CAST: variants seen among roughly 807,000 people sequenced by gnomAD.
CAST encodes MIR583 host.
Under a neutral mutation model 119.6 loss-of-function variants are expected in CAST, and 76 were observed. The ratio of observed to expected loss-of-function variants is 0.64; its 90% CI spans 0.53 to 0.77. The LOEUF (loss-of-function observed/expected upper bound fraction) is 0.77. Ranked by LOEUF, CAST falls within the 30% of genes least tolerant of loss-of-function variation. The probability of loss-of-function intolerance (pLI) is 0.00; values close to 1 mark genes in which losing one functional copy is unlikely to be tolerated. For synonymous variants in CAST, 319 were observed against 331.6 expected (o/e 0.96, Z 0.41); for missense variants, 953 against 946.5 (o/e 1.01, Z -0.09).
At chr5:96,525,970 G>A (rs901599048), upstream of CAST, among the ~76,000 whole-genome samples, 6 of 152,146 alleles carry the variant, frequency 3.9e-5, no homozygotes, top group Admixed American at 2.0e-4. Flanking sequence ...GAGTGGGGTG[G>A]CAATTGATCC....
the CAST span, among the ~76,000 whole-genome samples, chr5:96,477,018 A>G: frequency 6.6e-6 from 1 of 151,112 alleles, no homozygotes; most frequent in Non-Finnish European, 1.5e-5. Flanking sequence ...TGTTTCCTTC[A>G]GAGTTGTTGA....
At chr5:95,997,962 G>GTTTTTTTT in the CAST span, among the ~76,000 whole-genome samples, 14 of 111,694 alleles carry the variant, frequency 1.3e-4, no homozygotes, top group East Asian at 8.6e-4. Context: ...TTTGAGAGAG[G>GTTTTTTTT]GTTTTTTTTT....
the CAST span, among the ~76,000 whole-genome samples, chr5:95,997,448 GCTCCAGATGAAAGCTCAATTATTT>G: frequency 0.038 from 5,754 of 152,198 alleles, 181 homozygotes; most frequent in Admixed American, 0.077. Context: ...TAATCACAGT[GCTCCAGATGAAAGCTCAATTATTT>G]CTCCAGCTTC....
At chr5:96,638,015 G>T (rs1227015254) in intron 1 of CAST, among the ~76,000 whole-genome samples, 8 of 152,180 alleles carry the variant, frequency 5.3e-5, no homozygotes, top group Non-Finnish European at 1.0e-4. Flanking sequence ...ACTGAGAAAA[G>T]TCAATTTCTC....
chr5:96,132,701 C>T, the CAST span, among the ~76,000 whole-genome samples: 1 of 152,102 alleles, frequency 6.6e-6, no homozygotes, highest in Non-Finnish European at 1.5e-5. Context: ...TATAGAAAGG[C>T]AGACCTTCTT....
intron 3 of CAST, among the ~76,000 whole-genome samples, chr5:96,709,030 C>T (rs958551160): frequency 3.9e-5 from 6 of 152,052 alleles, no homozygotes; most frequent in African/African-American, 9.7e-5. Context: ...GTTTTTAGTA[C>T]GTTGCTGCCT....
the CAST span, among the ~76,000 whole-genome samples, chr5:96,421,404 T>C: frequency 1.3e-5 from 2 of 150,158 alleles, no homozygotes; most frequent in African/African-American, 2.5e-5. Flanking sequence ...CATTTCTCTG[T>C]CTGGAGTTTG....
intron 1 of CAST, among the ~76,000 whole-genome samples, chr5:96,667,954 G>C (rs1359552212): frequency 6.6e-6 from 1 of 152,224 alleles, no homozygotes; most frequent in Middle Eastern, 3.2e-3. Context: ...GGCGGAGCTT[G>C]CAGTAAGCCG....
the CAST span, among the ~76,000 whole-genome samples, chr5:96,197,661 C>A: frequency 6.6e-5 from 10 of 152,248 alleles, no homozygotes; most frequent in African/African-American, 2.4e-4. Context: ...TTGTAGGTAT[C>A]TTCAAACTGA....
chr5:96,350,830 TA>T, the CAST span, among the ~76,000 whole-genome samples: 6 of 152,250 alleles, frequency 3.9e-5, no homozygotes, highest in South Asian at 1.2e-3. Context: ...GGAAGAGGAA[TA>T]GAACACAACT....
the CAST span, among the ~76,000 whole-genome samples, chr5:96,495,114 G>C: frequency 9.4e-5 from 10 of 106,018 alleles, no homozygotes; most frequent in African/African-American, 3.7e-4. Context: ...GTCAGAGCGA[G>C]ACTGTCTCAA....
intron 9 of CAST, 28 bp from the exon 10 acceptor site, chr5:96,736,144 G>T (rs780028696): frequency 2.1e-6 from 3 of 1,414,268 alleles, no homozygotes; most frequent in Non-Finnish European, 3.0e-6. Context: ...GGTATGTGAG[G>T]AGTTGTTAAT....
At chr5:96,331,452 C>T in the CAST span, among the ~76,000 whole-genome samples, 2 of 152,218 alleles carry the variant, frequency 1.3e-5, no homozygotes, top group Non-Finnish European at 2.9e-5. Flanking sequence ...TGAACTCAAT[C>T]AACTTGTTGA....
the CAST span, among the ~76,000 whole-genome samples, chr5:96,026,927 T>C: frequency 1.3e-5 from 2 of 152,180 alleles, no homozygotes; most frequent in Non-Finnish European, 2.9e-5. Context: ...TGTATGCATC[T>C]GCTGGGCATA....
At chr5:96,710,058 A>G (rs1755791494) in intron 3 of CAST, among the ~76,000 whole-genome samples, 2 of 152,200 alleles carry the variant, frequency 1.3e-5, no homozygotes, top group Non-Finnish European at 2.9e-5. Flanking sequence ...GAGGACAAGT[A>G]TTATTGAGGT....
rs1581164998 is a variant in CAST at position 96,730,877 on chromosome 5, A to G, written c.630+17A>G. On this transcript the variant is annotated intron_variant, in intron 9 of 31. Transcript: ENST00000675179. ...GGTGACAAGGTGAGCACACACAAGC[A>G]GACGGAAACGTGGGCCTCTGTGCTT... is the stretch of plus-strand genomic sequence containing the variant. 1 of 1,588,688 alleles carries G rather than the reference A, an allele frequency of 6.3e-7. No homozygotes were observed. The highest frequency in any genetic ancestry group is 2.2e-5 in the East Asian group (1 of 44,802).
chr5:96,074,825 A>AT, the CAST span, among the ~76,000 whole-genome samples: 4 of 152,188 alleles, frequency 2.6e-5, no homozygotes, highest in Admixed American at 2.6e-4. Context: ...ATAGTGTGTG[A>AT]TTTTGGAATT....
intron 1 of CAST, among the ~76,000 whole-genome samples, chr5:96,600,453 A>G (rs563232657): frequency 2.6e-5 from 4 of 152,200 alleles, no homozygotes; most frequent in Non-Finnish European, 5.9e-5. Context: ...AGGAAGTTTG[A>G]ATTCATAGAC....
chr5:96,287,405 C>T, the CAST span, among the ~76,000 whole-genome samples: 19 of 152,212 alleles, frequency 1.2e-4, no homozygotes, highest in Admixed American at 6.5e-4. Context: ...ATCAAAAGCC[C>T]TCAATTTCTA....
Sources: allele counts gnomAD v4.1 joint callset (sites outside exome capture counted in the v4.1 genomes callset), GRCh38; gene constraint gnomAD v4.1.1; transcripts MANE v1.5; gene names NCBI Gene and HGNC (gene_info 2026-07-23, HGNC 2026-07-21).